The following NPAS3 variants were observed in gnomAD, a reference collection of about 807,000 sequenced individuals.
NPAS3 encodes neuronal PAS domain-containing protein 3.
A neutral mutation model predicts 73.1 loss-of-function variants in NPAS3; 14 were observed. The ratio of observed to expected loss-of-function variants is 0.19; its 90% confidence interval spans 0.13 to 0.30. The LOEUF is 0.30. NPAS3 is among the 10% of genes least tolerant of loss of function. NPAS3 has a pLI of 1.00. For missense variants in NPAS3, 1,096 were observed against 1,250.0 expected, an observed-to-expected ratio of 0.88 and a Z score of 1.86; for synonymous variants, 620 against 541.5, an observed-to-expected ratio of 1.14 and a Z score of -2.01.
chr14:33,422,741 G>A (rs1416826253), intron 4 of NPAS3, among the ~76,000 whole-genome samples: 1 of 151,872 alleles, frequency 6.6e-6, no homozygotes, highest in East Asian at 1.9e-4. Flanking sequence ...TGTTTCTACT[G>A]TTATCTAAGC....
intron 1 of NPAS3, among the ~76,000 whole-genome samples, chr14:32,988,193 T>G (rs1258497246): frequency 6.6e-6 from 1 of 152,298 alleles, no homozygotes; most frequent in African/African-American, 2.4e-5. Context: ...CAATTCTCCA[T>G]TAAATTATGG....
At chr14:33,594,863 C>A (rs1007555786) in intron 5 of NPAS3, among the ~76,000 whole-genome samples, 1 of 152,096 alleles carries the variant, frequency 6.6e-6, no homozygotes, top group African/African-American at 2.4e-5. Context: ...CCTCTTCATT[C>A]CCCATGTAAA....
chr14:33,268,545 T>G (rs1351657132), intron 3 of NPAS3, among the ~76,000 whole-genome samples: 3 of 152,172 alleles, frequency 2.0e-5, no homozygotes, highest in African/African-American at 7.2e-5. Context: ...TATCTCTTTT[T>G]TTTGCATTCA....
chr14:33,021,395 A>G (rs1399612374), intron 1 of NPAS3, among the ~76,000 whole-genome samples: 1 of 152,166 alleles, frequency 6.6e-6, no homozygotes, highest in Non-Finnish European at 1.5e-5. Context: ...AGTTATTTTT[A>G]CTATTACCTT....
intron 1 of NPAS3, among the ~76,000 whole-genome samples, chr14:33,002,424 A>C (rs1036530612): frequency 3.9e-5 from 6 of 152,208 alleles, no homozygotes; most frequent in Non-Finnish European, 5.9e-5. Context: ...ACAGGAATAA[A>C]AAATTATTCA....
At chr14:33,591,172 CA>C (rs1435807355) in intron 5 of NPAS3, among the ~76,000 whole-genome samples, 18 of 152,294 alleles carry the variant, frequency 1.2e-4, no homozygotes, top group African/African-American at 4.3e-4. Context: ...GTTTTAATGA[CA>C]ACTTATCAAC....
intron 5 of NPAS3, among the ~76,000 whole-genome samples, chr14:33,613,083 C>T (rs2057800576): frequency 6.6e-6 from 1 of 152,122 alleles, no homozygotes; most frequent in African/African-American, 2.4e-5. Flanking sequence ...ACATGTATTT[C>T]AATGAGTGAT....
chr14:33,672,440 CTA>C (rs1331206566), intron 5 of NPAS3, among the ~76,000 whole-genome samples: 1 of 151,866 alleles, frequency 6.6e-6, no homozygotes, highest in African/African-American at 2.4e-5. Flanking sequence ...TGTAATATAC[CTA>C]CTAAACATAA....
intron 1 of NPAS3, among the ~76,000 whole-genome samples, chr14:32,990,404 C>T (rs868244744): frequency 2.6e-5 from 4 of 152,256 alleles, no homozygotes; most frequent in Middle Eastern, 3.4e-3. Context: ...ACAAACAACT[C>T]TTTTTGTGGC....
chr14:33,658,964 T>C (rs2059229328), intron 5 of NPAS3, among the ~76,000 whole-genome samples: 1 of 152,170 alleles, frequency 6.6e-6, no homozygotes, highest in Admixed American at 6.5e-5. Flanking sequence ...ATAGATAAGC[T>C]GCCATATTAC....
intron 1 of NPAS3, among the ~76,000 whole-genome samples, chr14:32,986,863 T>G (rs1216620294): frequency 6.6e-6 from 1 of 152,170 alleles, no homozygotes; most frequent in African/African-American, 2.4e-5. Flanking sequence ...TGCATTCATG[T>G]TTTTCACCTA....
chr14:33,343,000 G>A (rs1433081608), intron 3 of NPAS3, among the ~76,000 whole-genome samples: 3 of 152,110 alleles, frequency 2.0e-5, no homozygotes, highest in Non-Finnish European at 4.4e-5. Flanking sequence ...CTCTTTTGTT[G>A]CATGTTTAAT....
At chr14:33,084,830 G>A (rs142762993) in intron 2 of NPAS3, among the ~76,000 whole-genome samples, 2 of 152,322 alleles carry the variant, frequency 1.3e-5, no homozygotes, top group African/African-American at 4.8e-5. Flanking sequence ...ATAGCATCTA[G>A]TAAACAGATG....
At chr14:33,646,196 AAAGGAAGG>A (rs2058824158) in intron 5 of NPAS3, among the ~76,000 whole-genome samples, 1 of 152,186 alleles carries the variant, frequency 6.6e-6, no homozygotes, top group Non-Finnish European at 1.5e-5. Context: ...CATTTATTAA[AAAGGAAGG>A]AGGGAAGGGA....
intron 4 of NPAS3, among the ~76,000 whole-genome samples, chr14:33,374,168 T>A (rs1253124313): frequency 6.6e-6 from 1 of 152,184 alleles, no homozygotes; most frequent in Non-Finnish European, 1.5e-5. Context: ...GATAATGTTG[T>A]CAACCTCAGT....
chr14:33,745,498 T>C (rs2061764838), intron 7 of NPAS3, among the ~76,000 whole-genome samples: 2 of 152,168 alleles, frequency 1.3e-5, no homozygotes, highest in Non-Finnish European at 2.9e-5. Flanking sequence ...ACCGTCTTCA[T>C]AAGGCTATTG....
At position 33,769,761 on chromosome 14, in the gene NPAS3, T is replaced by TTTTC. The variant is rs1555330691; in HGVS notation, c.853-4573_853-4572insCTTT. Among the ~76,000 whole-genome samples, 141 of 102,580 alleles carry TTTTC rather than the reference T, an allele frequency of 1.4e-3. 2 individuals carry two copies. Among genetic ancestry groups the TTTTC allele is most frequent in the African/African-American group, 4.3e-3 (133 of 31,122 alleles). 67.3% of individuals were successfully genotyped at this position (102,580 alleles called of 152,430 possible). On this transcript the variant is annotated intron_variant, in intron 7 of 11. Coordinates refer to ENST00000356141, the Ensembl canonical transcript of NPAS3. Reference sequence around the variant, plus strand: ...AAGACTTGGATTTTTTTTTTCTTTTTTTTTTTTTTTTTTTTTTTTTTGAGA... The same window carrying TTTTC: ...AAGACTTGGATTTTTTTTTTCTTTTTTTTCTTTTTTTTTTTTTTTTTTTTTGAGA...
At chr14:32,938,486 T>TGAGAGA (rs369330767), upstream of NPAS3, among the ~76,000 whole-genome samples, 211 of 55,908 alleles carry the variant, frequency 3.8e-3, 7 homozygotes, top group East Asian at 0.028. Flanking sequence ...AGAGAGAAAT[T>TGAGAGA]GAGAGAGAGA....
intron 3 of NPAS3, among the ~76,000 whole-genome samples, chr14:33,342,107 C>G (rs2044513980): frequency 1.3e-5 from 2 of 152,106 alleles, no homozygotes; most frequent in South Asian, 4.1e-4. Context: ...TTGGGTCTAA[C>G]ATATCGCAAA....
Sources: gnomAD v4.1 joint callset for allele counts (sites outside exome capture counted in the v4.1 genomes callset) on GRCh38, gnomAD v4.1.1 for gene constraint, MANE v1.5 for transcripts, NCBI Gene and HGNC (gene_info 2026-07-23, HGNC 2026-07-21) for gene names.